The following BRINP1 variants were observed in gnomAD, a reference collection of about 807,000 sequenced individuals.
BRINP1 encodes BMP/retinoic acid inducible neural specific 1, also known as BMP/retinoic acid-inducible neural-specific protein 1.
BRINP1 carries 17 observed loss-of-function variants against 72.9 expected under a neutral mutation model. The observed-to-expected ratio is 0.23, with a 90% CI of 0.16 to 0.35. The LOEUF (loss-of-function observed/expected upper bound fraction) is 0.35. Ranked by LOEUF, BRINP1 falls within the 10% of genes least tolerant of loss-of-function variation. The probability of loss-of-function intolerance (pLI) is 1.00; values close to 1 mark genes in which losing one functional copy is unlikely to be tolerated. For missense variants in BRINP1, 850 were observed against 1,001.6 expected (o/e 0.85, Z 2.04); for synonymous variants, 418 against 378.5 (o/e 1.10, Z -1.21).
chr9:119,317,073 G>C (rs897039436), intron 1 of BRINP1, among the ~76,000 whole-genome samples: 11 of 149,308 alleles, frequency 7.4e-5, no homozygotes, highest in African/African-American at 2.3e-4. Context: ...CCTGGTGACA[G>C]AGTGACATTC....
intron 7 of BRINP1, among the ~76,000 whole-genome samples, chr9:119,169,538 G>A (rs545724424): frequency 5.9e-5 from 9 of 152,330 alleles, no homozygotes; most frequent in African/African-American, 2.2e-4. Context: ...ACTGCAAGGC[G>A]GCAGCGGGCT....
intron 2 of BRINP1, among the ~76,000 whole-genome samples, chr9:119,311,316 C>A (rs954587006): frequency 6.6e-6 from 1 of 152,162 alleles, no homozygotes; most frequent in South Asian, 2.1e-4. Context: ...TTGACTTTGG[C>A]TAAATCTTAA....
chr9:119,336,310 G>T (rs1831345073), intron 1 of BRINP1, among the ~76,000 whole-genome samples: 1 of 152,146 alleles, frequency 6.6e-6, no homozygotes, highest in Non-Finnish European at 1.5e-5. Flanking sequence ...CCTGCATATG[G>T]TTTTTATGAC....
In BRINP1 at chr9:119,208,908, C is replaced by T. The variant is rs1404987973; in HGVS notation, c.956G>A (p.Ser319Asn). ...GCTTCCGATGGTCAGGAAGTGGTTG[C>T]TGGGGAGGCGCTTCATAAATGATTT... Reference protein sequence around the residue: ...EFKSFMKRLPSNHFLTIGSIH... With the variant: ...EFKSFMKRLPNNHFLTIGSIH... Residue 319 changes from serine (S) to asparagine (N), a missense_variant, in exon 7 of 8, where the codon AGC becomes AAC. Coordinates refer to ENST00000265922, the MANE Select transcript of BRINP1 (RefSeq NM_014618.3). 6 of 1,614,136 alleles carry T rather than the reference C, an allele frequency of 3.7e-6. No homozygotes were observed. The highest frequency in any genetic ancestry group is 3.3e-4 in the Middle Eastern group (2 of 6,060).
intron 1 of BRINP1, among the ~76,000 whole-genome samples, chr9:119,314,296 A>T (rs2093912): frequency 0.96 from 146,784 of 152,308 alleles, 70,970 homozygotes; most frequent in East Asian, 1. Context: ...GTAGAGAGGT[A>T]CCTTGTGGAG....
At position 119,167,390 on chromosome 9, in the gene BRINP1, A is replaced by G. The variant is rs1255662758; in HGVS notation, c.1980T>C (p.Tyr660=). The G allele has an allele frequency of 1.9e-6, 3 of 1,614,068 alleles. No homozygotes were observed. The highest frequency in any genetic ancestry group is 2.2e-5 in the East Asian group (1 of 44,854). Reference sequence around the variant, plus strand: ...GGAGGTCGGCGTTGAACCTCAGGCTATACCCAAACACCTGCACGTCTGAGA... The same window carrying G: ...GGAGGTCGGCGTTGAACCTCAGGCTGTACCCAAACACCTGCACGTCTGAGA... ...IKISDVQVFG[Y]SLRFNADLLR... The change falls in exon 8 of 8, where the codon TAT becomes TAC. Residue 660 remains tyrosine (Y), a synonymous_variant. Transcript: ENST00000265922. This position sits in a 1 kb window ranked among gnomAD's most constrained non-coding sequence, Gnocchi z 4.3.
intron 1 of BRINP1, among the ~76,000 whole-genome samples, chr9:119,331,600 T>C (rs1042920877): frequency 6.6e-6 from 1 of 152,218 alleles, no homozygotes; most frequent in Non-Finnish European, 1.5e-5. Flanking sequence ...TTTGTAAATA[T>C]GTAGATGATG....
intron 7 of BRINP1, among the ~76,000 whole-genome samples, chr9:119,191,000 T>G (rs542302486): frequency 6.6e-6 from 1 of 152,122 alleles, no homozygotes; most frequent in African/African-American, 2.4e-5. Context: ...TCAATAAGTG[T>G]CATGTATCAC....
intron 2 of BRINP1, among the ~76,000 whole-genome samples, chr9:119,249,805 T>TGTAAGGAAGGAA (rs1830359011): frequency 3.2e-5 from 1 of 31,558 alleles, no homozygotes; most frequent in Non-Finnish European, 5.5e-5. Context: ...AATAAACAAA[T>TGTAAGGAAGGAA]GGAAGGAAGG....
At chr9:119,230,374 T>C (rs1010728638) in intron 5 of BRINP1, among the ~76,000 whole-genome samples, 1 of 152,002 alleles carries the variant, frequency 6.6e-6, no homozygotes, top group Admixed American at 6.6e-5. Context: ...TTTAAGAAGA[T>C]CACGCTGGCT....
At chr9:119,315,030 C>A (rs1831111267) in intron 1 of BRINP1, among the ~76,000 whole-genome samples, 2 of 152,266 alleles carry the variant, frequency 1.3e-5, no homozygotes, top group Admixed American at 1.3e-4. Context: ...AGATCATGTC[C>A]TCAGAGGTCA....
intron 7 of BRINP1, among the ~76,000 whole-genome samples, chr9:119,181,375 G>T (rs1000425668): frequency 6.6e-6 from 1 of 152,166 alleles, no homozygotes; most frequent in Non-Finnish European, 1.5e-5. Context: ...AGTTAAATAA[G>T]TGCTGGGCCC....
intron 5 of BRINP1, among the ~76,000 whole-genome samples, chr9:119,229,812 A>T (rs1265146435): frequency 6.6e-6 from 1 of 152,090 alleles, no homozygotes; most frequent in Non-Finnish European, 1.5e-5. Context: ...AAAGAAGAAA[A>T]CAGAGTTCAC....
chr9:119,190,481 T>C (rs1352951190), intron 7 of BRINP1, among the ~76,000 whole-genome samples: 1 of 150,464 alleles, frequency 6.6e-6, no homozygotes, highest in Non-Finnish European at 1.5e-5. Flanking sequence ...CTACAACAGA[T>C]GTCTCAGAAA....
At chr9:119,223,706 T>C (rs1830063583) in intron 5 of BRINP1, among the ~76,000 whole-genome samples, 1 of 152,100 alleles carries the variant, frequency 6.6e-6, no homozygotes, top group African/African-American at 2.4e-5. Flanking sequence ...CTGTCTTCTA[T>C]GTTTAGCATG....
intron 2 of BRINP1, among the ~76,000 whole-genome samples, chr9:119,255,880 G>A (rs71507572): frequency 2.9e-4 from 41 of 141,974 alleles, no homozygotes; most frequent in Non-Finnish European, 5.3e-4. Context: ...TCTTGAACCC[G>A]GGAGGCGGAG....
At chr9:119,244,123 G>A (rs1045800006) in intron 3 of BRINP1, among the ~76,000 whole-genome samples, 2 of 152,098 alleles carry the variant, frequency 1.3e-5, no homozygotes, top group African/African-American at 2.4e-5. Flanking sequence ...AGCACTTCTG[G>A]GATGCCTTCC....
intron 2 of BRINP1, among the ~76,000 whole-genome samples, chr9:119,261,656 GC>G (rs1830496183): frequency 1.3e-5 from 2 of 152,206 alleles, no homozygotes; most frequent in South Asian, 4.1e-4. Flanking sequence ...GATGGCAATA[GC>G]CTACAAAAGG....
intron 5 of BRINP1, among the ~76,000 whole-genome samples, chr9:119,215,212 C>T (rs1829966259): frequency 6.6e-6 from 1 of 152,164 alleles, no homozygotes; most frequent in Non-Finnish European, 1.5e-5. Flanking sequence ...AGGATTAGCA[C>T]TCTGGATTAC....
Sources: allele counts gnomAD v4.1 joint callset (sites outside exome capture counted in the v4.1 genomes callset), GRCh38; gene constraint gnomAD v4.1.1; non-coding constraint Gnocchi (gnomAD v3.1); transcripts MANE v1.5; gene names NCBI Gene and HGNC (gene_info 2026-07-23, HGNC 2026-07-21).